Variants in SH3TC1 observed in about 807,000 individuals in gnomAD.
SH3TC1 encodes SH3 domain and tetratricopeptide repeats 1.
Under a neutral mutation model 117.3 loss-of-function variants are expected in SH3TC1, and 135 were observed. The observed-to-expected ratio is 1.15, with a 90% confidence interval of 1.00 to 1.33. The LOEUF (loss-of-function observed/expected upper bound fraction) is 1.33, where lower values mean the gene tolerates loss of function less well. Among genes scored for constraint, SH3TC1 ranks in the 40% most tolerant of loss-of-function variants. SH3TC1 has a pLI of 0.00. For synonymous variants in SH3TC1, 898 were observed against 816.9 expected (o/e 1.10, Z -1.69); for missense variants, 2,092 against 1,794.3 (o/e 1.17, Z -3.00).
chr4:8,223,878 G>T (rs1342779370), intron 10 of SH3TC1, among the ~76,000 whole-genome samples: 1 of 152,092 alleles, frequency 6.6e-6, no homozygotes, highest in Non-Finnish European at 1.5e-5. Flanking sequence ...CAGGTGATCC[G>T]CCAGCCTCAG....
chr4:8,221,435 G>C (rs1415680364), intron 9 of SH3TC1, among the ~76,000 whole-genome samples: 1 of 152,000 alleles, frequency 6.6e-6, no homozygotes, highest in East Asian at 1.9e-4. Context: ...TGAACAACCT[G>C]GTAGCTCTTC....
rs746634736 is a variant in SH3TC1 at position 8,205,523 on chromosome 4, C to T, written c.172+157C>T. On this transcript the variant is annotated intron_variant, in intron 2 of 17. Transcript: ENST00000245105. The surrounding 1 kb of genome is among the most constrained non-coding windows in gnomAD (Gnocchi z 5.4). ...CATCACTTCTCGTTTCCTTCCCCCGCGTGTGTTTAACAGGAGCCACTGTGC... is the reference window on the plus strand; with the variant it reads ...CATCACTTCTCGTTTCCTTCCCCCGTGTGTGTTTAACAGGAGCCACTGTGC... 2.3e-5 allele frequency: 25 copies of T among 1,078,218 alleles called. No individual in the cohort carries two copies. Among genetic ancestry groups the T allele is most frequent in the Admixed American group, 8.4e-5 (5 of 59,318 alleles). 66.8% of individuals were successfully genotyped at this position (1,078,218 alleles called of 1,614,324 possible).
intron 10 of SH3TC1, chr4:8,224,580 C>T (rs925945027): frequency 6.5e-6 from 1 of 153,476 alleles, no homozygotes; most frequent in Non-Finnish European, 1.5e-5. Context: ...CTGTCCACAT[C>T]TCCACATCTT....
chr4:8,234,683 C>G (rs1261447341), intron 14 of SH3TC1, among the ~76,000 whole-genome samples: 1 of 152,240 alleles, frequency 6.6e-6, no homozygotes, highest in Non-Finnish European at 1.5e-5. Context: ...TGTTGTATGC[C>G]TTTCCCCTCT....
chr4:8,230,588 C>T (rs1220749493), intron 12 of SH3TC1, among the ~76,000 whole-genome samples: 1 of 152,106 alleles, frequency 6.6e-6, no homozygotes, highest in Non-Finnish European at 1.5e-5. Flanking sequence ...TTCCCATTTC[C>T]ACTCTCATGT....
At chr4:8,232,662 C>T (rs756189443) in intron 13 of SH3TC1, 1 of 1,293,602 alleles carries the variant, frequency 7.7e-7, no homozygotes. Flanking sequence ...CCTGGAGCAT[C>T]CTGACCTGGT....
intron 12 of SH3TC1, 44 bp from the exon 13 acceptor site, chr4:8,231,932 T>A: frequency 6.3e-7 from 1 of 1,598,710 alleles, no homozygotes; most frequent in Non-Finnish European, 8.5e-7. Context: ...CAGCCTCGCT[T>A]CAATGCTGGG....
intron 14 of SH3TC1, among the ~76,000 whole-genome samples, chr4:8,234,092 A>G (rs912032893): frequency 2.1e-5 from 3 of 145,968 alleles, no homozygotes; most frequent in Non-Finnish European, 3.0e-5. Context: ...CCATCATTCC[A>G]TCATCCATCC....
Position 8,186,898 on chromosome 4 carries a change from C to A in SH3TC1, c.-57+4688C>A, listed in dbSNP as rs898581264. On this transcript the variant is annotated intron_variant, in intron 1 of 16. Transcript: ENST00000508641. This position sits in a 1 kb window ranked among gnomAD's most constrained non-coding sequence, Gnocchi z 5.2. ...GGTGGAGGTTGCAGTGAGCCGAGAT[C>A]ATACCACTGCACTCCAGCCTGGGTG... Among the ~76,000 whole-genome samples, 26 of 146,976 alleles carry A rather than the reference C, an allele frequency of 1.8e-4. No individual in the cohort carries two copies. The highest frequency in any genetic ancestry group is 1.0e-3 in the Admixed American group (15 of 14,616).
chr4:8,218,397 G>T (rs372034893), intron 8 of SH3TC1, 50 bp downstream of exon 8: 22 of 1,399,772 alleles, frequency 1.6e-5, no homozygotes, highest in Non-Finnish European at 2.1e-5. Flanking sequence ...GTGTGCTAGG[G>T]AGCAGCACCA....
chr4:8,195,793 C>T (rs1194003771), upstream of SH3TC1, among the ~76,000 whole-genome samples: 1 of 152,172 alleles, frequency 6.6e-6, no homozygotes, highest in African/African-American at 2.4e-5. Flanking sequence ...TGGGGGCACC[C>T]GCTTTGAGTC....
Position 8,209,152 on chromosome 4 carries a change from C to T in SH3TC1, c.173-596C>T, listed in dbSNP as rs1329175285. On this transcript the variant is annotated intron_variant, in intron 2 of 17. Coordinates refer to ENST00000245105, the MANE Select transcript of SH3TC1 (RefSeq NM_018986.5). The surrounding 1 kb of genome is among the most constrained non-coding windows in gnomAD (Gnocchi z 5.9). ...GCTCAGATAAAGTCCTCCAAAGATG[C>T]CCATGTCCTTATCCCCACGACCTAC... Among the ~76,000 whole-genome samples, 1 of 152,186 alleles carries T rather than the reference C, an allele frequency of 6.6e-6. No homozygotes were observed. Among genetic ancestry groups the T allele is most frequent in the Admixed American group, 6.5e-5 (1 of 15,284 alleles).
chr4:8,226,889 A>G (rs1720500742), intron 11 of SH3TC1, 91 bp from the exon 12 acceptor site: 2 of 939,962 alleles, frequency 2.1e-6, no homozygotes, highest in East Asian at 2.8e-5. Context: ...CGCCGGGGAC[A>G]CAGAGGCTGG....
At chr4:8,231,473 C>A (rs997415571) in intron 12 of SH3TC1, 1 of 158,758 alleles carries the variant, frequency 6.3e-6, no homozygotes, top group Non-Finnish European at 1.4e-5. Context: ...CCGTTCCCAG[C>A]GCCTTGGCTT....
intron 17 of SH3TC1, among the ~76,000 whole-genome samples, chr4:8,238,322 A>G (rs1320769812): frequency 1.3e-5 from 2 of 152,112 alleles, no homozygotes; most frequent in Non-Finnish European, 2.9e-5. Flanking sequence ...GTCTGTCTGG[A>G]GAGGAGGTGC....
rs112791846 is a variant in SH3TC1, at chr4:8,231,989, C to T, written c.2964C>T (p.Ala988=). The change falls in exon 13 of 18, where the codon GCC becomes GCT. Residue 988 remains alanine (A), a synonymous_variant. Transcript: ENST00000245105. ...EMGHVESQLR[A]VQRLCHFYSA... ...TCTTCTGCCCAGGCCAGCTGCGGGC[C>T]GTCCAGCGGCTGTGCCACTTCTACA... 533 of 1,611,800 alleles carry T rather than the reference C, an allele frequency of 3.3e-4. No individual in the cohort carries two copies. In the African/African-American group the frequency reaches 5.1e-3, roughly 15 times the overall value.
chr4:8,187,212 G>A (rs1167103311), intron 1 of SH3TC1, among the ~76,000 whole-genome samples: 1 of 152,192 alleles, frequency 6.6e-6, no homozygotes, highest in Non-Finnish European at 1.5e-5. Flanking sequence ...AGGGGATATG[G>A]GTTTGGGGGA....
At position 8,212,762 on chromosome 4, in the gene SH3TC1, G is replaced by A. The variant is rs566154689; in HGVS notation, c.309G>A (p.Gln103=). The change falls in exon 4 of 18, where the codon CAG becomes CAA. Residue 103 remains glutamine (Q), a synonymous_variant. Transcript: ENST00000245105. ...GCAGACTGCGGGACCCCGGCCTACA[G>A]CAGACCCTCCGGGGCCAGCTCCGCC... ...RKSRLRDPGL[Q]QTLRGQLRLL... 2.5e-6 allele frequency: 4 copies of A among 1,612,530 alleles called. No individual in the cohort carries two copies. The South Asian group carries it at 3.3e-5, about 13-fold the overall frequency.
Position 8,205,228 on chromosome 4 carries a change from C to A in SH3TC1, c.34C>A (p.Pro12Thr). ...CCTCCCTGCCGTGACCACTGAGGAG[C>A]CGACCCCCATGGGGAGGGGTCCTGT... The part of the protein sequence containing the change: ...ENLPAVTTEE[P>T]TPMGRGPVGP... The change falls in exon 2 of 18, where the codon CCG becomes ACG. Residue 12 changes from proline to threonine, a missense_variant. Physicochemically the swap from Pro to Thr is conservative, Grantham distance 38. Coordinates refer to ENST00000245105, the MANE Select transcript of SH3TC1 (RefSeq NM_018986.5). This position sits in a 1 kb window ranked among gnomAD's most constrained non-coding sequence, Gnocchi z 5.4. 6.5e-7 allele frequency: 1 copy of A among 1,547,872 alleles called. No homozygotes were observed. Among genetic ancestry groups the A allele is most frequent in the Non-Finnish European group, 8.7e-7 (1 of 1,146,244 alleles).
Sources: gnomAD v4.1 joint callset for allele counts (sites outside exome capture counted in the v4.1 genomes callset) on GRCh38, gnomAD v4.1.1 for gene constraint, Gnocchi (gnomAD v3.1) non-coding constraint, MANE v1.5 for transcripts, NCBI Gene and HGNC (gene_info 2026-07-23, HGNC 2026-07-21) for gene names.